SPATS2L: variants seen among roughly 807,000 people sequenced by gnomAD.
The protein encoded by SPATS2L is SPATS2-like protein.
A neutral mutation model predicts 59.6 loss-of-function variants in SPATS2L; 30 were observed. That is an observed-to-expected ratio of 0.50 (90% CI 0.38 to 0.68). The LOEUF (loss-of-function observed/expected upper bound fraction) is 0.68, where lower values mean the gene tolerates loss of function less well. Ranked by LOEUF, SPATS2L falls within the 30% of genes least tolerant of loss-of-function variation. SPATS2L has a pLI of 0.00. For synonymous variants in SPATS2L, 252 were observed against 263.5 expected, an observed-to-expected ratio of 0.96 and a Z score of 0.42; for missense variants, 615 against 700.0, an observed-to-expected ratio of 0.88 and a Z score of 1.37.
intron 8 of SPATS2L, 65 bp from the exon 9 acceptor site, chr2:200,459,704 C>G: frequency 8.2e-7 from 1 of 1,215,374 alleles, no homozygotes. Context: ...ACTTTCAGTG[C>G]TTATTAAAAG....
intron 2 of SPATS2L, among the ~76,000 whole-genome samples, chr2:200,330,118 G>T (rs563295504): frequency 1.2e-5 from 1 of 82,020 alleles, no homozygotes; most frequent in African/African-American, 3.4e-5. Context: ...TTTAAGATGG[G>T]GTAATTATAC....
chr2:200,335,334 C>T (rs1019781486), intron 2 of SPATS2L, among the ~76,000 whole-genome samples: 9 of 151,276 alleles, frequency 5.9e-5, no homozygotes, highest in Admixed American at 2.0e-4. Flanking sequence ...GCCGAGATTG[C>T]GCCACTACAC....
chr2:200,475,931 A>G (rs2087485514), intron 12 of SPATS2L, among the ~76,000 whole-genome samples: 1 of 152,244 alleles, frequency 6.6e-6, no homozygotes, highest in African/African-American at 2.4e-5. Context: ...CCATTTCCCA[A>G]CTGTAGATAG....
rs1057090365 is a variant in SPATS2L at position 200,306,948 on chromosome 2, G to C, written c.-73+26G>C. 40 of 982,868 alleles carry C rather than the reference G, an allele frequency of 4.1e-5. No homozygotes were observed. In the Admixed American group the frequency reaches 2.4e-3, roughly 58 times the overall value. The allele number at this position is 982,868 out of a possible 1,614,324, so 60.9% of individuals were successfully genotyped here. A position where few individuals can be genotyped will look rare whatever the true frequency, so the allele number is the denominator to read the frequency against. On this transcript the variant is annotated intron_variant, in intron 1 of 12. Coordinates refer to ENST00000409140, the MANE Select transcript of SPATS2L (RefSeq NM_001100423.2). ...GTAAGCCCAGGACCCCCTCCACGCC[G>C]GGCCGGCTGGGGATGCAGGGCGCGG...
At chr2:200,315,165 C>A (rs997422606) in intron 1 of SPATS2L, among the ~76,000 whole-genome samples, 1 of 152,172 alleles carries the variant, frequency 6.6e-6, no homozygotes, top group African/African-American at 2.4e-5. Context: ...ATTAAGTCAG[C>A]CCTATTGGCA....
chr2:200,470,830 T>C lies in SPATS2L; in HGVS notation c.1060+814T>C, dbSNP rs1040520793. Among the ~76,000 whole-genome samples the C allele has an allele frequency of 7.9e-5, 12 of 152,336 alleles. No individual in the cohort carries two copies. The East Asian group carries it at 2.3e-3, about 29-fold the overall frequency. ...AATCTATGGTAGACATTTTTTCATA[T>C]CAATATATTTAACCAGTCATTTCTC... On this transcript the variant is annotated intron_variant, in intron 11 of 12. Transcript: ENST00000409140.
intron 6 of SPATS2L, among the ~76,000 whole-genome samples, chr2:200,426,235 C>T (rs559079813): frequency 1.3e-5 from 2 of 151,860 alleles, no homozygotes; most frequent in East Asian, 1.9e-4. Context: ...GGACTACAGG[C>T]GCATGCCACC....
chr2:200,478,392 A>G lies in SPATS2L; in HGVS notation c.*361A>G, dbSNP rs1447851846. The G allele has an allele frequency of 1.2e-5, 2 of 170,892 alleles. No homozygotes were observed. The highest frequency in any genetic ancestry group is 2.5e-5 in the Non-Finnish European group (2 of 80,940). The allele number at this position is 170,892 out of a possible 1,614,324, so 10.6% of individuals were successfully genotyped here. ...CTTTAGAGAGTTAATGTTACAAAAAAGAATTCTTAATAATCAGACAAACAT... is the reference window on the plus strand; with the variant it reads ...CTTTAGAGAGTTAATGTTACAAAAAGGAATTCTTAATAATCAGACAAACAT... On this transcript the variant is annotated 3_prime_UTR_variant, in exon 13 of 13. Coordinates refer to ENST00000409140, the MANE Select transcript of SPATS2L (RefSeq NM_001100423.2).
At position 200,478,060 on chromosome 2, in the gene SPATS2L, C is replaced by A; in HGVS notation, c.*29C>A. The A allele has an allele frequency of 1.3e-6, 2 of 1,517,892 alleles. No individual in the cohort carries two copies. The highest frequency in any genetic ancestry group is 8.8e-7 in the Non-Finnish European group (1 of 1,134,862). 94.0% of individuals were successfully genotyped at this position (1,517,892 alleles called of 1,614,324 possible). On this transcript the variant is annotated 3_prime_UTR_variant, in exon 13 of 13. Transcript: ENST00000409140. ...AGGAGGAAAAAGAGCAGTTTTCACT[C>A]AGTTTTGGTTCCCTGCCCGAGGTGC... is the stretch of plus-strand genomic sequence containing the variant.
intron 1 of SPATS2L, among the ~76,000 whole-genome samples, chr2:200,309,267 T>A (rs755809665): frequency 2.0e-5 from 3 of 152,236 alleles, no homozygotes; most frequent in Non-Finnish European, 4.4e-5. Flanking sequence ...CTTTACACAG[T>A]TTTAATCAGC....
At chr2:200,380,862 TC>T (rs2081785633) in intron 2 of SPATS2L, among the ~76,000 whole-genome samples, 1 of 152,250 alleles carries the variant, frequency 6.6e-6, no homozygotes, top group Non-Finnish European at 1.5e-5. Flanking sequence ...CATATGAAAT[TC>T]ATATTTCAGT....
At chr2:200,434,949 T>G (rs2084180826) in intron 6 of SPATS2L, among the ~76,000 whole-genome samples, 1 of 152,086 alleles carries the variant, frequency 6.6e-6, no homozygotes, top group Non-Finnish European at 1.5e-5. Context: ...AATGGTGGTG[T>G]GAGAACTGGC....
At chr2:200,403,148 A>G (rs1337951150) in intron 3 of SPATS2L, among the ~76,000 whole-genome samples, 1 of 152,222 alleles carries the variant, frequency 6.6e-6, no homozygotes. Flanking sequence ...AAAATTGCTG[A>G]TGCCACCTTA....
chr2:200,421,776 C>G (rs1052927138), intron 6 of SPATS2L, among the ~76,000 whole-genome samples: 20 of 152,144 alleles, frequency 1.3e-4, no homozygotes, highest in African/African-American at 4.1e-4. Context: ...GATTTATAGT[C>G]AGAGCAAGAG....
At position 200,481,533 on chromosome 2, in the gene SPATS2L, A is replaced by G. The variant is rs2087774344; in HGVS notation, c.*3502A>G. 1 of 152,234 alleles carries G rather than the reference A, an allele frequency of 6.6e-6. No individual in the cohort carries two copies. Among genetic ancestry groups the G allele is most frequent in the African/African-American group, 2.4e-5 (1 of 41,436 alleles). 9.4% of individuals were successfully genotyped at this position (152,234 alleles called of 1,614,324 possible). On this transcript the variant is annotated 3_prime_UTR_variant, in exon 13 of 13. Coordinates refer to ENST00000409140, the MANE Select transcript of SPATS2L (RefSeq NM_001100423.2). ...CTGAATTTCAGGCTACCTTTGACAA[A>G]GCTTTCTTCCTCCCTCCCTCCCTTT...
chr2:200,453,716 C>T (rs2085630150), intron 8 of SPATS2L, among the ~76,000 whole-genome samples: 1 of 152,166 alleles, frequency 6.6e-6, no homozygotes, highest in South Asian at 2.1e-4. Context: ...ATGTTAGAAC[C>T]GTTGGTCACA....
intron 12 of SPATS2L, 46 bp downstream of exon 12, chr2:200,473,098 A>G (rs889124804): frequency 6.9e-7 from 1 of 1,453,706 alleles, no homozygotes; most frequent in Non-Finnish European, 9.3e-7. Context: ...AAAAAAAAAA[A>G]CCTGTTTCCA....
intron 12 of SPATS2L, among the ~76,000 whole-genome samples, chr2:200,474,880 G>C (rs1416335905): frequency 2.0e-5 from 3 of 152,120 alleles, no homozygotes; most frequent in Admixed American, 6.6e-5. Flanking sequence ...CGCAGCCATG[G>C]CCCTCTCTAC....
At chr2:200,414,802 T>TA (rs2083000612) in intron 4 of SPATS2L, among the ~76,000 whole-genome samples, 1 of 152,166 alleles carries the variant, frequency 6.6e-6, no homozygotes, top group South Asian at 2.1e-4. Context: ...CCTCTGTAAA[T>TA]ATGGGTATTT....
Sources: gnomAD v4.1 joint callset for allele counts (sites outside exome capture counted in the v4.1 genomes callset) on GRCh38, gnomAD v4.1.1 for gene constraint, MANE v1.5 for transcripts, NCBI Gene and HGNC (gene_info 2026-07-23, HGNC 2026-07-21) for gene names.